The following PRMT9 variants were observed in gnomAD, a reference collection of about 807,000 sequenced individuals.
PRMT9 encodes the protein protein arginine methyltransferase 9.
In PRMT9, 59 loss-of-function variants were observed where a neutral mutation model predicts 83.2. The ratio of observed to expected loss-of-function variants is 0.71; its 90% CI spans 0.57 to 0.88. PRMT9 has a LOEUF of 0.88. Ranked by LOEUF, PRMT9 falls within the 40% of genes least tolerant of loss-of-function variation. The pLI is 0.00. For synonymous variants in PRMT9, 333 were observed against 353.2 expected (o/e 0.94, Z 0.64); for missense variants, 947 against 1,021.9 (o/e 0.93, Z 1.00).
chr4:147,644,773 A>AATC (rs981112571), intron 9 of PRMT9, among the ~76,000 whole-genome samples: 7 of 152,158 alleles, frequency 4.6e-5, no homozygotes, highest in African/African-American at 1.7e-4. Flanking sequence ...CTACCTATGT[A>AATC]ATCTTGTTTC....
chr4:147,641,672 G>A (rs1332612941), intron 10 of PRMT9, among the ~76,000 whole-genome samples: 1 of 151,982 alleles, frequency 6.6e-6, no homozygotes, highest in Non-Finnish European at 1.5e-5. Context: ...ACATGTAGTA[G>A]ACATTCAGTA....
At chr4:147,672,119 T>C (rs1316712684) in intron 4 of PRMT9, 2 of 297,256 alleles carry the variant, frequency 6.7e-6, no homozygotes, top group Non-Finnish European at 6.6e-6. Context: ...AGTGTTTTTT[T>C]CTATAAAATG....
At chr4:147,674,659 G>A (rs981474785) in intron 2 of PRMT9, among the ~76,000 whole-genome samples, 8 of 152,148 alleles carry the variant, frequency 5.3e-5, no homozygotes, top group Non-Finnish European at 1.2e-4. Flanking sequence ...CTAATTGTTT[G>A]CAGACTGATA....
In PRMT9 at chr4:147,638,242, T is replaced by G. The variant is rs1322908076; in HGVS notation, c.*290A>C. ...AGTAAAGTTTTGCTTTACTTACACA[T>G]GTCAATAACGATAAGACTTTTAAAA... On this transcript the variant is annotated 3_prime_UTR_variant, in exon 12 of 12. Coordinates refer to ENST00000322396, the MANE Select transcript of PRMT9 (RefSeq NM_138364.4). The G allele has an allele frequency of 8.0e-6, 3 of 374,630 alleles. No homozygotes were observed. The highest frequency in any genetic ancestry group is 2.8e-5 in the South Asian group (1 of 36,018). The allele number at this position is 374,630 out of a possible 1,614,324, so 23.2% of individuals were successfully genotyped here. A position where few individuals can be genotyped will look rare whatever the true frequency, so the allele number is the denominator to read the frequency against.
At chr4:147,677,272 T>C (rs1360711870) in intron 2 of PRMT9, among the ~76,000 whole-genome samples, 1 of 151,762 alleles carries the variant, frequency 6.6e-6, no homozygotes, top group Non-Finnish European at 1.5e-5. Context: ...AACTATAAAG[T>C]TTCTATGGAG....
intron 5 of PRMT9, among the ~76,000 whole-genome samples, chr4:147,670,224 G>A (rs1250674372): frequency 6.6e-6 from 1 of 152,188 alleles, no homozygotes; most frequent in African/African-American, 2.4e-5. Context: ...TTGTTGCCCA[G>A]GCTGGAGTGC....
chr4:147,648,607 G>A (rs751395329), intron 9 of PRMT9, among the ~76,000 whole-genome samples: 1 of 152,114 alleles, frequency 6.6e-6, no homozygotes, highest in African/African-American at 2.4e-5. Context: ...TCGAAGAGGT[G>A]GTCTCAGGAA....
intron 2 of PRMT9, among the ~76,000 whole-genome samples, chr4:147,677,068 T>C (rs922858812): frequency 4.1e-5 from 6 of 147,986 alleles, no homozygotes; most frequent in Admixed American, 1.4e-4. Flanking sequence ...AAAAACTTAA[T>C]ATAACCAAAT....
chr4:147,654,531 C>T lies in PRMT9; in HGVS notation c.1366G>A (p.Glu456Lys), dbSNP rs1389970527. Residue 456 changes from glutamate to lysine, a missense_variant, in exon 9 of 12, where the codon GAA (glutamate) becomes AAA (lysine). Glu to Lys is a moderately conservative substitution (Grantham distance 56, BLOSUM62 1). Coordinates refer to ENST00000322396, the MANE Select transcript of PRMT9 (RefSeq NM_138364.4). ...AAGTAACAGTCTTGACAAGATACTT[C>T]CATCATCACATGGTCTCCAGGCTTT... Reference protein sequence around the residue: ...WIKPGDHVMMEVSCQDCYLRI... With the variant: ...WIKPGDHVMMKVSCQDCYLRI... 6.2e-7 allele frequency: 1 copy of T among 1,613,274 alleles called. No individual in the cohort carries two copies. Among genetic ancestry groups the T allele is most frequent in the African/African-American group, 1.3e-5 (1 of 74,912 alleles).
chr4:147,671,010 G>C (rs1735691063), intron 4 of PRMT9, among the ~76,000 whole-genome samples: 1 of 151,896 alleles, frequency 6.6e-6, no homozygotes, highest in African/African-American at 2.4e-5. Context: ...AACTTCACTT[G>C]GCCTTGTTCT....
At chr4:147,683,049 A>T (rs1736597592) in intron 1 of PRMT9, among the ~76,000 whole-genome samples, 1 of 152,256 alleles carries the variant, frequency 6.6e-6, no homozygotes, top group Admixed American at 6.5e-5. Flanking sequence ...AGTACTTCAA[A>T]AAAGAACAGC....
intron 4 of PRMT9, 32 bp downstream of exon 4, chr4:147,672,927 A>G (rs768691172): frequency 1.3e-6 from 2 of 1,582,620 alleles, no homozygotes; most frequent in Non-Finnish European, 1.7e-6. Context: ...ATAGAGAAGT[A>G]TAAACACTAA....
intron 10 of PRMT9, among the ~76,000 whole-genome samples, chr4:147,641,926 G>A (rs1733429401): frequency 6.6e-6 from 1 of 152,166 alleles, no homozygotes; most frequent in African/African-American, 2.4e-5. Flanking sequence ...GCCTCTCAAA[G>A]TGCCAGGACT....
chr4:147,642,647 T>G (rs1478647316), intron 10 of PRMT9, 140 bp downstream of exon 10: 2 of 750,254 alleles, frequency 2.7e-6, no homozygotes, highest in African/African-American at 1.7e-5. Context: ...GAACTTATTA[T>G]AGGTAAAAAT....
At position 147,659,600 on chromosome 4, in the gene PRMT9, C is replaced by T. The variant is rs369345937; in HGVS notation, c.1146+1246G>A. On this transcript the variant is annotated intron_variant, in intron 7 of 11. Transcript: ENST00000322396. ...TTTTCTTTTTTTTTTTTTTCTGAGA[C>T]GGAGTTTCGCTCTTGTTGCTCAGGC... Among the ~76,000 whole-genome samples, 197 of 38,838 alleles carry T rather than the reference C, an allele frequency of 5.1e-3. 2 individuals carry two copies. The highest frequency in any genetic ancestry group is 0.033 in the Middle Eastern group (1 of 30). The allele number at this position is 38,838 out of a possible 152,430, so 25.5% of individuals were successfully genotyped here.
intron 7 of PRMT9, among the ~76,000 whole-genome samples, chr4:147,660,077 G>A (rs1734851567): frequency 6.6e-6 from 1 of 152,282 alleles, no homozygotes; most frequent in African/African-American, 2.4e-5. Context: ...TTGGATTATT[G>A]TTCATTTTGT....
At chr4:147,646,667 G>C (rs375963588) in intron 9 of PRMT9, among the ~76,000 whole-genome samples, 1 of 150,736 alleles carries the variant, frequency 6.6e-6, no homozygotes, top group Non-Finnish European at 1.5e-5. Context: ...TGGGGAGGGG[G>C]GGGAGGGGGG....
At chr4:147,659,670 T>C (rs1734812253) in intron 7 of PRMT9, among the ~76,000 whole-genome samples, 1 of 148,976 alleles carries the variant, frequency 6.7e-6, no homozygotes, top group Admixed American at 6.8e-5. Flanking sequence ...CTCCGCCTCC[T>C]GGGTTCAAGC....
chr4:147,679,486 A>G (rs1274168969), intron 2 of PRMT9, among the ~76,000 whole-genome samples: 2 of 151,320 alleles, frequency 1.3e-5, no homozygotes, highest in Non-Finnish European at 2.9e-5. Flanking sequence ...AGTGGCTCAC[A>G]CCTGTAATCC....
Sources: gnomAD v4.1 joint callset for allele counts (sites outside exome capture counted in the v4.1 genomes callset) on GRCh38, gnomAD v4.1.1 for gene constraint, MANE v1.5 for transcripts, NCBI Gene and HGNC (gene_info 2026-07-23, HGNC 2026-07-21) for gene names.